The following ADGRB3 variants were observed in gnomAD, a reference collection of about 807,000 sequenced individuals.
ADGRB3 encodes brain-specific angiogenesis inhibitor 3.
A neutral mutation model predicts 193.4 loss-of-function variants in ADGRB3; 37 were observed. The observed-to-expected ratio is 0.19, with a 90% CI of 0.15 to 0.25. ADGRB3 has a LOEUF of 0.25. Ranked by LOEUF, ADGRB3 falls within the 10% of genes least tolerant of loss-of-function variation. The pLI is 1.00. For synonymous variants in ADGRB3, 690 were observed against 644.2 expected (o/e 1.07, Z -1.08); for missense variants, 1,637 against 1,852.9 (o/e 0.88, Z 2.14).
chr6:68,661,536 TAC>T (rs1387954177), intron 3 of ADGRB3, among the ~76,000 whole-genome samples: 2 of 41,538 alleles, frequency 4.8e-5, no homozygotes, highest in East Asian at 7.8e-4. Flanking sequence ...TATATGTGTA[TAC>T]ATATATATAT....
intron 13 of ADGRB3, among the ~76,000 whole-genome samples, chr6:69,024,498 A>G (rs1194488885): frequency 6.6e-6 from 1 of 152,184 alleles, no homozygotes; most frequent in Non-Finnish European, 1.5e-5. Context: ...GAATGTTGCT[A>G]CACCCACTTA....
chr6:69,038,329 GACAC>G (rs35438298), intron 13 of ADGRB3, among the ~76,000 whole-genome samples: 54 of 149,556 alleles, frequency 3.6e-4, no homozygotes, highest in East Asian at 7.9e-4. Flanking sequence ...TGAATACACA[GACAC>G]ACACACACAC....
At chr6:68,769,962 T>C (rs993792590) in intron 3 of ADGRB3, among the ~76,000 whole-genome samples, 1 of 152,164 alleles carries the variant, frequency 6.6e-6, no homozygotes, top group Non-Finnish European at 1.5e-5. Flanking sequence ...TGAAGCTCAA[T>C]TATTTAAAAC....
At chr6:69,287,242 C>G (rs1455687891) in intron 20 of ADGRB3, among the ~76,000 whole-genome samples, 1 of 152,208 alleles carries the variant, frequency 6.6e-6, no homozygotes, top group South Asian at 2.1e-4. Flanking sequence ...CCACTCTGTA[C>G]CTGTTTTTTA....
chr6:69,219,782 C>T (rs1765854206), intron 17 of ADGRB3, among the ~76,000 whole-genome samples: 1 of 151,738 alleles, frequency 6.6e-6, no homozygotes, highest in Non-Finnish European at 1.5e-5. Context: ...GCTATGCATT[C>T]TTATCACCAA....
chr6:69,300,737 A>G (rs940034522), intron 20 of ADGRB3, among the ~76,000 whole-genome samples: 3 of 151,800 alleles, frequency 2.0e-5, no homozygotes, highest in African/African-American at 4.8e-5. Context: ...TATTAACAAA[A>G]TGTCTAGGAA....
chr6:68,787,578 G>A (rs1398124939), intron 3 of ADGRB3, among the ~76,000 whole-genome samples: 3 of 152,008 alleles, frequency 2.0e-5, no homozygotes, highest in Non-Finnish European at 4.4e-5. Context: ...GAGGATTTTT[G>A]CATCGATGTT....
chr6:68,658,209 C>T (rs1294564554), intron 3 of ADGRB3, among the ~76,000 whole-genome samples: 3 of 151,142 alleles, frequency 2.0e-5, no homozygotes, highest in African/African-American at 7.3e-5. Flanking sequence ...TGCATAGTAT[C>T]ACATTGAGAA....
intron 29 of ADGRB3, among the ~76,000 whole-genome samples, chr6:69,369,489 G>A (rs1769660590): frequency 6.6e-6 from 1 of 152,048 alleles, no homozygotes; most frequent in African/African-American, 2.4e-5. Flanking sequence ...CTTGAGCCCA[G>A]GAGTTCAAGA....
At chr6:68,902,013 A>C (rs1261470596) in intron 3 of ADGRB3, among the ~76,000 whole-genome samples, 2 of 152,132 alleles carry the variant, frequency 1.3e-5, no homozygotes, top group Non-Finnish European at 2.9e-5. Context: ...TTGTGTTAAG[A>C]ACTATTATGA....
intron 24 of ADGRB3, among the ~76,000 whole-genome samples, chr6:69,336,731 A>T (rs903777856): frequency 1.4e-4 from 21 of 152,024 alleles, no homozygotes; most frequent in Middle Eastern, 3.2e-3. Flanking sequence ...TGAACTTTTA[A>T]TTTTATAAAT....
intron 17 of ADGRB3, among the ~76,000 whole-genome samples, chr6:69,080,931 T>C (rs1329274523): frequency 6.6e-6 from 1 of 152,034 alleles, no homozygotes; most frequent in African/African-American, 2.4e-5. Context: ...AACATTGTTA[T>C]GTGCAGTCTG....
chr6:68,983,471 A>G (rs565709766), intron 10 of ADGRB3, among the ~76,000 whole-genome samples: 2 of 149,034 alleles, frequency 1.3e-5, no homozygotes, highest in East Asian at 3.9e-4. Flanking sequence ...ACATATATAT[A>G]GTATATATAT....
intron 17 of ADGRB3, among the ~76,000 whole-genome samples, chr6:69,107,018 G>C (rs1377627179): frequency 6.6e-6 from 1 of 152,026 alleles, no homozygotes. Context: ...CTCAAAACTT[G>C]CATTACTAGA....
intron 3 of ADGRB3, among the ~76,000 whole-genome samples, chr6:68,905,125 T>G (rs1469522109): frequency 6.6e-6 from 1 of 152,194 alleles, no homozygotes; most frequent in Non-Finnish European, 1.5e-5. Context: ...TCTCATATTA[T>G]CTGGCCAATA....
At chr6:69,120,253 A>G (rs1424943446) in intron 17 of ADGRB3, among the ~76,000 whole-genome samples, 2 of 152,208 alleles carry the variant, frequency 1.3e-5, no homozygotes, top group African/African-American at 4.8e-5. Context: ...GTGGTCCCTG[A>G]ATCAGCAGCA....
chr6:69,286,057 C>G (rs895299980), intron 20 of ADGRB3, among the ~76,000 whole-genome samples: 14 of 152,078 alleles, frequency 9.2e-5, no homozygotes, highest in Non-Finnish European at 2.1e-4. Context: ...TACCTTAGAC[C>G]ATTCTTGTTC....
chr6:68,997,746 G>C (rs761746345), intron 11 of ADGRB3, among the ~76,000 whole-genome samples: 94 of 151,740 alleles, frequency 6.2e-4, no homozygotes, highest in Non-Finnish European at 1.2e-3. Flanking sequence ...AGGTCCTTAA[G>C]TTAAAATGAC....
At chr6:69,351,187 G>A (rs144268717) in intron 26 of ADGRB3, among the ~76,000 whole-genome samples, 3,930 of 150,472 alleles carry the variant, frequency 0.026, 68 homozygotes, top group Non-Finnish European at 0.035. Flanking sequence ...TTCGCCTCCC[G>A]AGTTCAAGCA....
Sources: allele counts gnomAD v4.1 joint callset (sites outside exome capture counted in the v4.1 genomes callset), GRCh38; gene constraint gnomAD v4.1.1; transcripts MANE v1.5; gene names NCBI Gene and HGNC (gene_info 2026-07-23, HGNC 2026-07-21).